The following PCNT variants were observed in gnomAD, a reference collection of about 807,000 sequenced individuals.
The protein encoded by PCNT is pericentrin, also known as kendrin.
A neutral mutation model predicts 380.4 loss-of-function variants in PCNT; 319 were observed. The observed-to-expected ratio is 0.84, with a 90% CI of 0.77 to 0.92. PCNT has a LOEUF of 0.92. Among genes scored for constraint, PCNT ranks in the 40% least tolerant of loss-of-function variants. PCNT has a pLI of 0.00. For synonymous variants in PCNT, 1,845 were observed against 1,735.2 expected (o/e 1.06, Z -1.57); for missense variants, 4,400 against 4,255.3 (o/e 1.03, Z -0.95).
At position 46,430,585 on chromosome 21, in the gene PCNT, C is replaced by T. The variant is rs1175343231; in HGVS notation, c.7992C>T (p.Ala2664=). The part of the protein sequence containing the change: ...ELESEQGKGR[A]LQSQLEEEQL... Reference sequence around the variant, plus strand: ...AGAGTGAGCAGGGGAAGGGGCGTGCCCTGCAGAGCCAGCTGGAGGAGGAGC... The same window carrying T: ...AGAGTGAGCAGGGGAAGGGGCGTGCTCTGCAGAGCCAGCTGGAGGAGGAGC... The change falls in exon 37 of 47, where the codon GCC becomes GCT. Residue 2664 remains alanine (A), a synonymous_variant. Coordinates refer to ENST00000359568, the MANE Select transcript of PCNT (RefSeq NM_006031.6). The T allele has an allele frequency of 6.4e-7, 1 of 1,563,656 alleles. No homozygotes were observed. Among genetic ancestry groups the T allele is most frequent in the South Asian group, 1.2e-5 (1 of 84,948 alleles).
chr21:46,402,512 C>G (rs368282016), intron 27 of PCNT, 29 bp downstream of exon 27: 13 of 1,612,542 alleles, frequency 8.1e-6, no homozygotes, highest in Non-Finnish European at 8.5e-7. Flanking sequence ...ACGTGACGCC[C>G]GAGTTCATGT....
rs563422186 is a variant in PCNT, at chr21:46,363,850, A to G, written c.2525A>G (p.Glu842Gly). The change falls in exon 14 of 47, where the codon GAG becomes GGG. Residue 842 changes from glutamate (E) to glycine (G), a missense_variant. Physicochemically the swap from Glu to Gly is moderately conservative, Grantham distance 98. Coordinates refer to ENST00000359568, the MANE Select transcript of PCNT (RefSeq NM_006031.6). ...DALHCSQCGR[E>G]PPTAQDGELA... ...CTGCATTGCAGCCAGTGTGGGCGGG[A>G]GCCGCCCACAGCCCAGGACGGGGAG... 6.2e-7 allele frequency: 1 copy of G among 1,611,790 alleles called. No homozygotes were observed. The highest frequency in any genetic ancestry group is 1.3e-5 in the African/African-American group (1 of 75,006).
Position 46,425,610 on chromosome 21 carries a change from T to C in PCNT, c.7180-221T>C, listed in dbSNP as rs544207057. ...CTTATAGAGAAATTCACTCCAAGCC[T>C]GGCTTCCGTGTTGTCTCTCTGAAGG... On this transcript the variant is annotated intron_variant, in intron 32 of 46. Transcript: ENST00000359568. This position sits in a 1 kb window ranked among gnomAD's most constrained non-coding sequence, Gnocchi z 4.2. 4.2e-4 allele frequency among the ~76,000 whole-genome samples: 64 copies of C among 152,332 alleles called. No homozygotes were observed. Among genetic ancestry groups the C allele is most frequent in the African/African-American group, 1.4e-3 (60 of 41,580 alleles).
intron 41 of PCNT, among the ~76,000 whole-genome samples, chr21:46,439,171 C>T (rs964886273): frequency 3.0e-4 from 45 of 152,118 alleles, no homozygotes; most frequent in African/African-American, 1.0e-3. Flanking sequence ...CACACACACA[C>T]ATCCCTGTAA....
At chr21:46,437,179 T>G in intron 40 of PCNT, 98 bp downstream of exon 40, 1 of 780,786 alleles carries the variant, frequency 1.3e-6, no homozygotes, top group Non-Finnish European at 2.2e-6. Context: ...CCCATTGTTC[T>G]TCCTCCCTCG....
At chr21:46,426,057 T>G in intron 33 of PCNT, 86 bp downstream of exon 33, 3 of 971,020 alleles carry the variant, frequency 3.1e-6, no homozygotes, top group South Asian at 1.4e-5. Context: ...ACGTGGACAC[T>G]AGGATTTCTT....
rs1601185445 is a variant in PCNT, at chr21:46,430,642, T to C, written c.8049T>C (p.Ser2683=). The C allele has an allele frequency of 3.2e-6, 5 of 1,570,648 alleles. No individual in the cohort carries two copies. The highest frequency in any genetic ancestry group is 4.3e-6 in the Non-Finnish European group (5 of 1,158,624). Residue 2683 remains serine (S), a synonymous_variant, in exon 37 of 47, where the codon AGT becomes AGC. Transcript: ENST00000359568. The part of the protein sequence containing the change: ...QLRHLQRESQ[S]AKALEELRAS... ...GGCACCTGCAGAGGGAGAGCCAGAGTGCCAAGGCCCTGGAGGTAACAGGGT... is the reference window on the plus strand; with the variant it reads ...GGCACCTGCAGAGGGAGAGCCAGAGCGCCAAGGCCCTGGAGGTAACAGGGT...
At chr21:46,336,815 A>G (rs2034912786) in intron 3 of PCNT, among the ~76,000 whole-genome samples, 1 of 152,064 alleles carries the variant, frequency 6.6e-6, no homozygotes, top group African/African-American at 2.4e-5. Context: ...TTATAGACAT[A>G]TATGTTAAAT....
At position 46,422,058 on chromosome 21, in the gene PCNT, C is replaced by G. The variant is rs374830651; in HGVS notation, c.7113C>G (p.Ile2371Met). The G allele has an allele frequency of 6.2e-7, 1 of 1,613,964 alleles. No homozygotes were observed. The highest frequency in any genetic ancestry group is 8.5e-7 in the Non-Finnish European group (1 of 1,179,980). Residue 2371 changes from isoleucine to methionine, a missense_variant, in exon 32 of 47, where the codon ATC (isoleucine) becomes ATG (methionine). Ile to Met is a conservative substitution (Grantham distance 10, BLOSUM62 1). Transcript: ENST00000359568. Reference protein sequence around the residue: ...QTAGPVTPASISGRFQPLPEA... With the variant: ...QTAGPVTPASMSGRFQPLPEA... Reference sequence around the variant, plus strand: ...CTGGTCCTGTGACCCCTGCTTCCATCTCTGGAAGGTTTCAGCCGCTGCCGG... The same window carrying G: ...CTGGTCCTGTGACCCCTGCTTCCATGTCTGGAAGGTTTCAGCCGCTGCCGG...
At chr21:46,328,524 A>T (rs1352605315) in intron 2 of PCNT, among the ~76,000 whole-genome samples, 1 of 151,962 alleles carries the variant, frequency 6.6e-6, no homozygotes, top group African/African-American at 2.4e-5. Context: ...GCAGTGGTGC[A>T]GTCCTGGCTC....
At position 46,349,014 on chromosome 21, in the gene PCNT, C is replaced by T. The variant is rs771472003; in HGVS notation, c.1035C>T (p.Thr345=). ...EMEKNAQIVK[T]LKEDWESEKD... ...AATTTTTTTTTCTTTTAAATTAGAC[C>T]CTGAAGGAAGATTGGGAATCTGAAA... The change falls in exon 7 of 47, where the codon ACC becomes ACT. Residue 345 remains threonine (T), a splice_region_variant and synonymous_variant. Coordinates refer to ENST00000359568, the MANE Select transcript of PCNT (RefSeq NM_006031.6). 2 of 1,568,528 alleles carry T rather than the reference C, an allele frequency of 1.3e-6. No homozygotes were observed. Among genetic ancestry groups the T allele is most frequent in the East Asian group, 2.2e-5 (1 of 44,644 alleles).
intron 16 of PCNT, among the ~76,000 whole-genome samples, chr21:46,383,918 T>C: frequency 7.0e-6 from 1 of 142,072 alleles, no homozygotes; most frequent in African/African-American, 2.6e-5. Flanking sequence ...ATTCACAGTG[T>C]TGTGCGTTCA....
chr21:46,355,628 T>C lies in PCNT; in HGVS notation c.1936+2T>C. 1 of 1,611,020 alleles carries C rather than the reference T, an allele frequency of 6.2e-7. No homozygotes were observed. ...AACCCTCTGAAGGGCACAGCCAAGG[T>C]GGGCCCCTCCCGCCTCGCCATGGTG... On this transcript the variant is annotated splice_donor_variant, in intron 12 of 46. Coordinates refer to ENST00000359568, the MANE Select transcript of PCNT (RefSeq NM_006031.6). LOFTEE classifies it high-confidence loss of function.
chr21:46,367,277 C>T, intron 15 of PCNT, 138 bp downstream of exon 15: 1 of 685,786 alleles, frequency 1.5e-6, no homozygotes, highest in Non-Finnish European at 2.5e-6. Flanking sequence ...CTGCCGAGAT[C>T]AGTGGGGACT....
intron 31 of PCNT, among the ~76,000 whole-genome samples, chr21:46,419,744 G>A (rs968992429): frequency 3.9e-5 from 6 of 152,074 alleles, no homozygotes; most frequent in South Asian, 2.1e-4. Flanking sequence ...CCTCCTCAAC[G>A]GTCTCTTATT....
Position 46,416,276 on chromosome 21 carries a change from C to G in PCNT, c.6358C>G (p.Pro2120Ala), listed in dbSNP as rs2087022277. 1 of 1,614,012 alleles carries G rather than the reference C, an allele frequency of 6.2e-7. No individual in the cohort carries two copies. Among genetic ancestry groups the G allele is most frequent in the Non-Finnish European group, 8.5e-7 (1 of 1,180,028 alleles). The change falls in exon 30 of 47, where the codon CCT becomes GCT. Residue 2120 changes from proline to alanine, a missense_variant. Transcript: ENST00000359568. ...TGATGATTCCTGTGACGGAGAAGAG[C>G]CTGACATATCACCCCACATAGACAC... ...WSDDSCDGEE[P>A]DISPHIDTCD...
At position 46,329,657 on chromosome 21, in the gene PCNT, C is replaced by T. The variant is rs138221588; in HGVS notation, c.267+3068C>T. ...TGACCACAGTGGACAGGACACTTCA[C>T]CCTCAAGCGTGGGGTGGTGTGGCAG... On this transcript the variant is annotated intron_variant, in intron 2 of 46. Coordinates refer to ENST00000359568, the MANE Select transcript of PCNT (RefSeq NM_006031.6). 2.1e-3 allele frequency among the ~76,000 whole-genome samples: 314 copies of T among 152,302 alleles called. 3 individuals are homozygous for T. The highest frequency in any genetic ancestry group is 0.02 in the Middle Eastern group (6 of 294).
chr21:46,353,154 C>G lies in PCNT; in HGVS notation c.1507C>G (p.Gln503Glu). ...CACCTCTCGTGTGGAAGATTTAGAA[C>G]AGCTGAAGCAGCGAGAAAAAACCCA... ...ARTSRVEDLE[Q>E]LKQREKTQHE... Residue 503 changes from glutamine (Q) to glutamate (E), a missense_variant, in exon 10 of 47, where the codon CAG becomes GAG. Transcript: ENST00000359568. 6.2e-7 allele frequency: 1 copy of G among 1,614,120 alleles called. No homozygotes were observed. The highest frequency in any genetic ancestry group is 8.5e-7 in the Non-Finnish European group (1 of 1,180,036).
intron 27 of PCNT, among the ~76,000 whole-genome samples, chr21:46,403,895 G>A (rs1247707555): frequency 6.9e-6 from 1 of 145,196 alleles, no homozygotes; most frequent in African/African-American, 2.5e-5. Context: ...AATGAACACA[G>A]CGTGGGAGAA....
Sources: allele counts gnomAD v4.1 joint callset (sites outside exome capture counted in the v4.1 genomes callset), GRCh38; gene constraint gnomAD v4.1.1; non-coding constraint Gnocchi (gnomAD v3.1); transcripts MANE v1.5; gene names NCBI Gene and HGNC (gene_info 2026-07-23, HGNC 2026-07-21).